The following DHX36 variants were observed in gnomAD, a reference collection of about 807,000 sequenced individuals.
DHX36 encodes ATP-dependent DNA/RNA helicase DHX36.
Under a neutral mutation model 139.0 loss-of-function variants are expected in DHX36, and 50 were observed. The observed-to-expected ratio is 0.36, with a 90% confidence interval of 0.29 to 0.46. The LOEUF (loss-of-function observed/expected upper bound fraction) is 0.46, where lower values mean the gene tolerates loss of function less well. Among genes scored for constraint, DHX36 ranks in the 20% least tolerant of loss-of-function variants. DHX36 has a pLI of 1.00. For missense variants in DHX36, 1,024 were observed against 1,211.3 expected, an observed-to-expected ratio of 0.85 and a Z score of 2.29; for synonymous variants, 425 against 401.9, an observed-to-expected ratio of 1.06 and a Z score of -0.69.
At position 154,300,680 on chromosome 3, in the gene DHX36, C is replaced by T. The variant is rs1032424652; in HGVS notation, c.1375G>A (p.Val459Ile). ...ELRRRYSASTVDVIEMMEDDK... is the reference protein window; with the variant it reads ...ELRRRYSASTIDVIEMMEDDK... ...TCCTCCATCATTTCTATAACATCTA[C>T]AGTACTTGCAGAATACCTATCAAAG... Residue 459 changes from valine (V) to isoleucine (I), a missense_variant, in exon 11 of 25, where the codon GTA (valine) becomes ATA (isoleucine). Physicochemically the swap from Val to Ile is conservative, Grantham distance 29 (BLOSUM62 3). Around this residue, in one of 4 missense-constraint regions of DHX36, gnomAD observed 115 missense variants for 105.6 expected, o/e 1.09. Coordinates refer to ENST00000496811, the MANE Select transcript of DHX36 (RefSeq NM_020865.3). The T allele has an allele frequency of 1.1e-5, 17 of 1,612,054 alleles. No individual in the cohort carries two copies. Among genetic ancestry groups the T allele is most frequent in the Non-Finnish European group, 1.2e-5 (14 of 1,178,740 alleles).
At chr3:154,321,394 G>T (rs561421957) in intron 1 of DHX36, among the ~76,000 whole-genome samples, 1 of 152,174 alleles carries the variant, frequency 6.6e-6, no homozygotes, top group South Asian at 2.1e-4. Flanking sequence ...ACACACACAC[G>T]TACATTCACT....
At position 154,324,408 on chromosome 3, in the gene DHX36, A is replaced by G. The variant is rs1385620194; in HGVS notation, c.9T>C (p.Tyr3=). MS[Y]DYHQNWGRDG... is the part of the protein sequence containing the mutation. ...CACGGCCCCAGTTCTGATGGTAGTC[A>G]TAACTCATTGTCCTGGCAGACTACA... Residue 3 remains tyrosine, a synonymous_variant, in exon 1 of 25, where the codon TAT becomes TAC. Transcript: ENST00000496811. The G allele has an allele frequency of 6.5e-7, 1 of 1,536,098 alleles. No homozygotes were observed. Among genetic ancestry groups the G allele is most frequent in the Admixed American group, 2.0e-5 (1 of 49,436 alleles).
chr3:154,312,891 A>C (rs1559958790), intron 3 of DHX36, among the ~76,000 whole-genome samples: 1 of 102,178 alleles, frequency 9.8e-6, no homozygotes, highest in Non-Finnish European at 2.0e-5. Flanking sequence ...ATATATATAT[A>C]TATATATATA....
At chr3:154,321,991 C>T (rs1713205513) in intron 1 of DHX36, among the ~76,000 whole-genome samples, 1 of 151,158 alleles carries the variant, frequency 6.6e-6, no homozygotes, top group African/African-American at 2.4e-5. Context: ...TGAAAGCTAC[C>T]GAAATTCTGA....
At chr3:154,291,475 C>T (rs1711810449) in intron 15 of DHX36, among the ~76,000 whole-genome samples, 1 of 152,140 alleles carries the variant, frequency 6.6e-6, no homozygotes. Context: ...ATGGGAAAAC[C>T]TCAGTCTTTC....
At chr3:154,280,555 TTAA>T (rs761963036) in intron 22 of DHX36, 21 bp downstream of exon 22, 7 of 1,503,704 alleles carry the variant, frequency 4.7e-6, no homozygotes, top group East Asian at 2.3e-5. Flanking sequence ...TTACGAGTAA[TTAA>T]TAATAATCTT....
In DHX36 at chr3:154,283,279, G is replaced by A. The variant is rs896787627; in HGVS notation, c.2293-8C>T. On this transcript the variant is annotated splice_polypyrimidine_tract_variant and splice_region_variant and intron_variant, in intron 19 of 24. Transcript: ENST00000496811. ...CCTAGCCTCTTCCCAGCCCTATGGG[G>A]CAAAGAAATGAAGAAATCTATATTT... is the stretch of plus-strand genomic sequence containing the variant. 1.0e-5 allele frequency: 16 copies of A among 1,593,502 alleles called. No homozygotes were observed. Among genetic ancestry groups the A allele is most frequent in the Non-Finnish European group, 1.4e-5 (16 of 1,162,138 alleles).
In DHX36 at chr3:154,324,285, C is replaced by G. The variant is rs1219623121; in HGVS notation, c.132G>C (p.Gly44=). 1 of 1,612,844 alleles carries G rather than the reference C, an allele frequency of 6.2e-7. No homozygotes were observed. Among genetic ancestry groups the G allele is most frequent in the Non-Finnish European group, 8.5e-7 (1 of 1,179,508 alleles). The change falls in exon 1 of 25, where the codon GGG becomes GGC. Residue 44 remains glycine, a synonymous_variant. Transcript: ENST00000496811. The part of the protein sequence containing the change: ...RGSGGGGGGG[G]GGRGGRGRHP... ...GCCGGCCCCTGCCGCCTCGACCACCCCCTCCGCCGCCGCCGCCTCCTCCGG... is the reference window on the plus strand; with the variant it reads ...GCCGGCCCCTGCCGCCTCGACCACCGCCTCCGCCGCCGCCGCCTCCTCCGG...
intron 1 of DHX36, 110 bp from the exon 2 acceptor site, chr3:154,316,273 TATAAAAG>T: frequency 7.1e-7 from 1 of 1,403,092 alleles, no homozygotes; most frequent in South Asian, 1.3e-5. Flanking sequence ...AACAAATACA[TATAAAAG>T]AAAGTTATCC....
At chr3:154,310,524 T>C (rs1372357644) in intron 4 of DHX36, among the ~76,000 whole-genome samples, 1 of 151,498 alleles carries the variant, frequency 6.6e-6, no homozygotes, top group Non-Finnish European at 1.5e-5. Context: ...GGCTCATGCC[T>C]ATAATCCCAG....
chr3:154,321,395 T>C (rs1309046847), intron 1 of DHX36, among the ~76,000 whole-genome samples: 2 of 152,162 alleles, frequency 1.3e-5, no homozygotes, highest in Admixed American at 1.3e-4. Context: ...CACACACACG[T>C]ACATTCACTT....
chr3:154,276,411 C>T (rs1719151001), intron 24 of DHX36, 55 bp from the exon 25 acceptor site: 2 of 1,493,460 alleles, frequency 1.3e-6, no homozygotes, highest in African/African-American at 1.4e-5. Context: ...TACCAAATAA[C>T]ATAATAAATG....
rs1034652825 is a variant in DHX36, at chr3:154,275,699, C to T, written c.*472G>A. The T allele has an allele frequency of 2.6e-5, 4 of 152,562 alleles. No homozygotes were observed. The highest frequency in any genetic ancestry group is 2.0e-4 in the Admixed American group (3 of 15,280). The allele number at this position is 152,562 out of a possible 1,614,324, so 9.5% of individuals were successfully genotyped here. A position where few individuals can be genotyped will look rare whatever the true frequency, so the allele number is the denominator to read the frequency against. On this transcript the variant is annotated 3_prime_UTR_variant, in exon 25 of 25. Transcript: ENST00000496811. ...TTAACATTGTACATTTTATTAAATACTGGACTTTATTACAACAAATTAATT... is the reference window on the plus strand; with the variant it reads ...TTAACATTGTACATTTTATTAAATATTGGACTTTATTACAACAAATTAATT...
rs1341659226 is a variant in DHX36, at chr3:154,276,396, T to C, written c.2842-40A>G. ...ATTATACATGTTCAACAAAGGCAGA[T>C]ATATTACCAAATAACATAATAAATG... On this transcript the variant is annotated intron_variant, in intron 24 of 24. Transcript: ENST00000496811. The C allele has an allele frequency of 2.4e-5, 37 of 1,542,310 alleles. No individual in the cohort carries two copies. In the East Asian group the frequency reaches 7.6e-4, roughly 32 times the overall value.
chr3:154,300,934 C>T lies in DHX36; in HGVS notation c.1358+53G>A. 4 of 1,598,272 alleles carry T rather than the reference C, an allele frequency of 2.5e-6. No homozygotes were observed. The East Asian group carries it at 6.7e-5, about 27-fold the overall frequency. Reference sequence around the variant, plus strand: ...TCAAGAAGATGCCCCCAGCCTCTGGCTTTTTGTTTTATTTAGCCACTGATT... The same window carrying T: ...TCAAGAAGATGCCCCCAGCCTCTGGTTTTTTGTTTTATTTAGCCACTGATT... On this transcript the variant is annotated intron_variant, in intron 10 of 24. Coordinates refer to ENST00000496811, the MANE Select transcript of DHX36 (RefSeq NM_020865.3).
chr3:154,297,571 T>A (rs1255792423), intron 12 of DHX36, among the ~76,000 whole-genome samples: 1 of 151,928 alleles, frequency 6.6e-6, no homozygotes, highest in Non-Finnish European at 1.5e-5. Context: ...ATTACCCAGG[T>A]GTGGTGATGG....
intron 5 of DHX36, among the ~76,000 whole-genome samples, chr3:154,307,646 A>G (rs1192210213): frequency 1.3e-5 from 2 of 152,134 alleles, no homozygotes; most frequent in Non-Finnish European, 2.9e-5. Flanking sequence ...GATAAAAGAG[A>G]ACTCTTACAT....
At chr3:154,324,082 A>C in intron 1 of DHX36, 92 bp downstream of exon 1, 1 of 1,365,068 alleles carries the variant, frequency 7.3e-7, no homozygotes, top group Non-Finnish European at 1.0e-6. Context: ...CACGTGCATC[A>C]CTTAAGAAAC....
At chr3:154,292,282 A>G (rs1711853139) in intron 15 of DHX36, among the ~76,000 whole-genome samples, 1 of 152,236 alleles carries the variant, frequency 6.6e-6, no homozygotes, top group South Asian at 2.1e-4. Context: ...ATGCTTTAAA[A>G]AAATGAAAAC....
Sources: allele counts gnomAD v4.1 joint callset (sites outside exome capture counted in the v4.1 genomes callset), GRCh38; gene constraint gnomAD v4.1.1; regional missense constraint gnomAD v4.1.1; transcripts MANE v1.5; gene names NCBI Gene and HGNC (gene_info 2026-07-23, HGNC 2026-07-21).